DROSHA: variants seen among roughly 807,000 people sequenced by gnomAD.
DROSHA encodes the protein ribonuclease 3.
DROSHA carries 56 observed loss-of-function variants against 181.9 expected under a neutral mutation model. The observed-to-expected ratio is 0.31, with a 90% CI of 0.25 to 0.38. The LOEUF (loss-of-function observed/expected upper bound fraction) is 0.38. Ranked by LOEUF, DROSHA falls within the 10% of genes least tolerant of loss-of-function variation. The probability of loss-of-function intolerance (pLI) is 1.00; values close to 1 mark genes in which losing one functional copy is unlikely to be tolerated. For synonymous variants in DROSHA, 524 were observed against 591.2 expected (o/e 0.89, Z 1.65); for missense variants, 1,218 against 1,743.5 (o/e 0.70, Z 5.37).
Position 31,494,079 on chromosome 5 carries a change from G to A in DROSHA, c.1756-786C>T, listed in dbSNP as rs114317429. 3.2e-3 allele frequency among the ~76,000 whole-genome samples: 482 copies of A among 151,690 alleles called. 3 individuals carry two copies. Among genetic ancestry groups the A allele is most frequent in the African/African-American group, 0.011 (456 of 41,326 alleles). On this transcript the variant is annotated intron_variant, in intron 12 of 35. Coordinates refer to ENST00000344624, the MANE Select transcript of DROSHA (RefSeq NM_001382508.1). Reference sequence around the variant, plus strand: ...TGCCTCCCAGCTTCCAACAATTATCGTGCCTCAGCCTCCTAAGTAGCTGGG... The same window carrying A: ...TGCCTCCCAGCTTCCAACAATTATCATGCCTCAGCCTCCTAAGTAGCTGGG...
At chr5:31,469,174 T>C (rs894024482) in intron 17 of DROSHA, among the ~76,000 whole-genome samples, 4 of 152,070 alleles carry the variant, frequency 2.6e-5, no homozygotes, top group South Asian at 2.1e-4. Flanking sequence ...CTGGCCAACA[T>C]AGTGAAACCC....
intron 20 of DROSHA, among the ~76,000 whole-genome samples, chr5:31,452,968 A>C (rs1747203315): frequency 6.6e-6 from 1 of 152,220 alleles, no homozygotes; most frequent in Non-Finnish European, 1.5e-5. Flanking sequence ...GCACAACCAA[A>C]GTCTAATAGT....
chr5:31,461,611 C>A (rs1748410948), intron 20 of DROSHA, among the ~76,000 whole-genome samples: 1 of 152,086 alleles, frequency 6.6e-6, no homozygotes, highest in East Asian at 1.9e-4. Context: ...AAACAGTTAC[C>A]AGTTCCAGTT....
intron 19 of DROSHA, among the ~76,000 whole-genome samples, chr5:31,465,302 G>C (rs1748879737): frequency 2.6e-5 from 4 of 152,062 alleles, no homozygotes; most frequent in Admixed American, 2.0e-4. Context: ...AAGTTATCCT[G>C]GATTACAGGG....
At chr5:31,484,091 G>A (rs1191972493) in intron 15 of DROSHA, among the ~76,000 whole-genome samples, 5 of 152,026 alleles carry the variant, frequency 3.3e-5, no homozygotes, top group South Asian at 2.1e-4. Flanking sequence ...ACTTCCAACC[G>A]CTGGGCGCAG....
intron 20 of DROSHA, among the ~76,000 whole-genome samples, chr5:31,455,481 C>G (rs969538528): frequency 1.3e-5 from 2 of 151,756 alleles, no homozygotes; most frequent in African/African-American, 4.8e-5. Context: ...AAAGTATATA[C>G]TGAAAGTATA....
chr5:31,523,771 T>C (rs1159477675), intron 5 of DROSHA, among the ~76,000 whole-genome samples: 1 of 151,958 alleles, frequency 6.6e-6, no homozygotes, highest in Admixed American at 6.6e-5. Context: ...GGTCAGGAGT[T>C]CGAGACCAGC....
At chr5:31,404,839 C>T (rs1344357097) in intron 35 of DROSHA, among the ~76,000 whole-genome samples, 1 of 151,960 alleles carries the variant, frequency 6.6e-6, no homozygotes, top group African/African-American at 2.4e-5. Context: ...AATAAAAAGG[C>T]TGAATAAAAT....
At chr5:31,471,761 T>C (rs748079197) in intron 17 of DROSHA, among the ~76,000 whole-genome samples, 27 of 152,148 alleles carry the variant, frequency 1.8e-4, no homozygotes, top group Non-Finnish European at 3.1e-4. Context: ...GTTGCTCTCA[T>C]ATGCTCCCAG....
chr5:31,459,024 C>A (rs1748033323), intron 20 of DROSHA, among the ~76,000 whole-genome samples: 1 of 152,150 alleles, frequency 6.6e-6, no homozygotes, highest in African/African-American at 2.4e-5. Context: ...GAGACTTAAA[C>A]AACATCAACT....
intron 20 of DROSHA, among the ~76,000 whole-genome samples, chr5:31,457,692 C>A (rs184665577): frequency 6.6e-6 from 1 of 152,128 alleles, no homozygotes; most frequent in African/African-American, 2.4e-5. Flanking sequence ...GAGTTTGAGA[C>A]GAGCCTGGGC....
chr5:31,454,484 A>G (rs964970765), intron 20 of DROSHA, among the ~76,000 whole-genome samples: 6 of 152,136 alleles, frequency 3.9e-5, no homozygotes, highest in Non-Finnish European at 5.9e-5. Flanking sequence ...ACCATGAAAA[A>G]CTATCCTGGC....
intron 10 of DROSHA, among the ~76,000 whole-genome samples, chr5:31,504,931 A>G (rs1026168018): frequency 2.0e-5 from 3 of 152,210 alleles, no homozygotes; most frequent in African/African-American, 7.2e-5. Context: ...AATTCCCAGG[A>G]CACTTTTGTT....
intron 16 of DROSHA, among the ~76,000 whole-genome samples, chr5:31,476,771 C>A (rs918527703): frequency 6.6e-6 from 1 of 152,178 alleles, no homozygotes; most frequent in Non-Finnish European, 1.5e-5. Context: ...CCAGAGCCCA[C>A]AGGGCATGGG....
At chr5:31,419,966 T>C (rs1042689398) in intron 30 of DROSHA, among the ~76,000 whole-genome samples, 2 of 151,640 alleles carry the variant, frequency 1.3e-5, no homozygotes, top group African/African-American at 4.9e-5. Context: ...CTTTAAATGG[T>C]AATCAAACTT....
At position 31,479,216 on chromosome 5, in the gene DROSHA, AAT is replaced by A. The variant is rs1463198346; in HGVS notation, c.2071+4336_2071+4337del. Reference sequence around the variant, plus strand: ...TAATTCTCCTTAAAGCAGTTAAAACAATACAAATCAAGCCATTTACAGCATTT... The same window carrying A: ...TAATTCTCCTTAAAGCAGTTAAAACAACAAATCAAGCCATTTACAGCATTT... On this transcript the variant is annotated intron_variant, in intron 16 of 35. Coordinates refer to ENST00000344624, the MANE Select transcript of DROSHA (RefSeq NM_001382508.1). Among the ~76,000 whole-genome samples the A allele has an allele frequency of 7.9e-5, 12 of 152,366 alleles. No homozygotes were observed. The East Asian group carries it at 2.3e-3, about 29-fold the overall frequency.
intron 11 of DROSHA, among the ~76,000 whole-genome samples, chr5:31,503,970 T>C (rs1737611744): frequency 6.6e-6 from 1 of 152,140 alleles, no homozygotes; most frequent in Non-Finnish European, 1.5e-5. Context: ...GTGAGGAGCT[T>C]GGGATTAATA....
At chr5:31,459,600 G>A (rs1021105213) in intron 20 of DROSHA, among the ~76,000 whole-genome samples, 1 of 151,870 alleles carries the variant, frequency 6.6e-6, no homozygotes, top group Non-Finnish European at 1.5e-5. Flanking sequence ...TCCTTCCCCC[G>A]CTACAAGATC....
At chr5:31,421,044 A>T (rs1216705719) in intron 30 of DROSHA, among the ~76,000 whole-genome samples, 1 of 152,218 alleles carries the variant, frequency 6.6e-6, no homozygotes, top group Non-Finnish European at 1.5e-5. Flanking sequence ...CATGAGGCCT[A>T]GCTCAATATT....
Sources: gnomAD v4.1 joint callset for allele counts (sites outside exome capture counted in the v4.1 genomes callset) on GRCh38, gnomAD v4.1.1 for gene constraint, MANE v1.5 for transcripts, NCBI Gene and HGNC (gene_info 2026-07-23, HGNC 2026-07-21) for gene names.